Variants in DPYSL3 observed in about 807,000 individuals in gnomAD.
The protein encoded by DPYSL3 is dihydropyrimidinase like 3.
DPYSL3 carries 16 observed loss-of-function variants against 66.1 expected under a neutral mutation model. The observed-to-expected ratio is 0.24, with a 90% CI of 0.16 to 0.37. The LOEUF is 0.37. DPYSL3 is among the 10% of genes least tolerant of loss of function. The probability of loss-of-function intolerance (pLI) is 1.00; values close to 1 mark genes in which losing one functional copy is unlikely to be tolerated. For missense variants in DPYSL3, 738 were observed against 916.2 expected, an observed-to-expected ratio of 0.81 and a Z score of 2.51; for synonymous variants, 338 against 345.1, an observed-to-expected ratio of 0.98 and a Z score of 0.23.
At chr5:147,455,047 GTATGT>G (rs1752821563) in intron 1 of DPYSL3, among the ~76,000 whole-genome samples, 1 of 152,304 alleles carries the variant, frequency 6.6e-6, no homozygotes, top group Admixed American at 6.5e-5. Context: ...TAGAAATCCT[GTATGT>G]CACTAAGCAT....
At chr5:147,490,939 C>A (rs1418650363) in intron 1 of DPYSL3, among the ~76,000 whole-genome samples, 4 of 152,140 alleles carry the variant, frequency 2.6e-5, no homozygotes, top group African/African-American at 9.7e-5. Context: ...ACCTCATAGT[C>A]AATACTGGAG....
Position 147,509,903 on chromosome 5 carries a change from C to T in DPYSL3, c.-45G>A. On this transcript the variant is annotated 5_prime_UTR_variant, in exon 1 of 14. Coordinates refer to ENST00000343218, the MANE Select transcript of DPYSL3 (RefSeq NM_001197294.2). The surrounding 1 kb of genome is among the most constrained non-coding windows in gnomAD (Gnocchi z 5.3). ...CCCGCGGGTTTTTCTTCCCCAGAGG[C>T]GGAAAGGGCAGCCGCCGGCAGCGTG... 6.8e-7 allele frequency: 1 copy of T among 1,469,276 alleles called. No individual in the cohort carries two copies. Among genetic ancestry groups the T allele is most frequent in the Non-Finnish European group, 9.0e-7 (1 of 1,111,936 alleles). 91.0% of individuals were successfully genotyped at this position (1,469,276 alleles called of 1,614,324 possible). A position where few individuals can be genotyped will look rare whatever the true frequency, so the allele number is the denominator to read the frequency against.
In DPYSL3 at chr5:147,391,568, C is replaced by T. The variant is rs925095615; in HGVS notation, c.*2467G>A. ...AGACGATCCAGCGTGCCTTCCTACA[C>T]TTGCATGAGGTGCCAGTGAATTCGA... On this transcript the variant is annotated 3_prime_UTR_variant, in exon 14 of 14. Transcript: ENST00000343218. 6.6e-6 allele frequency: 1 copy of T among 152,388 alleles called. No homozygotes were observed. The highest frequency in any genetic ancestry group is 2.4e-5 in the African/African-American group (1 of 41,458). The allele number at this position is 152,388 out of a possible 1,614,324, so 9.4% of individuals were successfully genotyped here.
intron 1 of DPYSL3, among the ~76,000 whole-genome samples, chr5:147,486,895 T>C (rs1753336807): frequency 1.3e-5 from 2 of 152,212 alleles, no homozygotes. Context: ...ATCCTTTTAC[T>C]GCATATTCTT....
chr5:147,459,137 A>T (rs139361482), intron 1 of DPYSL3, among the ~76,000 whole-genome samples: 25 of 152,208 alleles, frequency 1.6e-4, no homozygotes, highest in African/African-American at 6.0e-4. Flanking sequence ...AGTCCAGAAT[A>T]TTCTCTGTCC....
intron 1 of DPYSL3, among the ~76,000 whole-genome samples, chr5:147,443,841 T>C (rs1387171400): frequency 1.3e-5 from 2 of 152,160 alleles, no homozygotes; most frequent in African/African-American, 2.4e-5. Context: ...GGAATCTCCC[T>C]GGCAAGTTGT....
chr5:147,396,509 G>A (rs1757977209), intron 12 of DPYSL3, among the ~76,000 whole-genome samples: 1 of 152,216 alleles, frequency 6.6e-6, no homozygotes, highest in Admixed American at 6.5e-5. Flanking sequence ...CGCGCTGCCA[G>A]AGGAGCCTGA....
At chr5:147,485,479 T>A (rs1017276400) in intron 1 of DPYSL3, among the ~76,000 whole-genome samples, 6 of 152,236 alleles carry the variant, frequency 3.9e-5, no homozygotes, top group African/African-American at 1.4e-4. Context: ...GAATATGACA[T>A]TATTTATTTA....
intron 1 of DPYSL3, among the ~76,000 whole-genome samples, chr5:147,483,038 G>A (rs1008513550): frequency 9.9e-5 from 15 of 152,162 alleles, no homozygotes; most frequent in African/African-American, 2.4e-4. Context: ...CAGATCTCTC[G>A]CTTGACACGT....
At chr5:147,417,149 G>A (rs997670498) in intron 3 of DPYSL3, among the ~76,000 whole-genome samples, 5 of 152,086 alleles carry the variant, frequency 3.3e-5, no homozygotes, top group African/African-American at 9.7e-5. Flanking sequence ...CTCTCGTCAC[G>A]GGGAATCTGA....
In DPYSL3 at chr5:147,408,811, G is replaced by A; in HGVS notation, c.964-15C>T. On this transcript the variant is annotated splice_polypyrimidine_tract_variant and intron_variant, in intron 6 of 13. Transcript: ENST00000343218. The stretch of plus-strand genomic sequence containing the variant: ...CGGGTTTGCTCCTGAAATGAAAAAA[G>A]AAAATAGTTCTTCAATAAGCTCAAG... 2.5e-6 allele frequency: 4 copies of A among 1,613,956 alleles called. No homozygotes were observed. The highest frequency in any genetic ancestry group is 3.4e-6 in the Non-Finnish European group (4 of 1,179,924).
At chr5:147,443,476 G>A (rs573570987) in intron 1 of DPYSL3, among the ~76,000 whole-genome samples, 2 of 152,208 alleles carry the variant, frequency 1.3e-5, no homozygotes, top group African/African-American at 2.4e-5. Flanking sequence ...ACCAGGGCCT[G>A]TTGGGGGTTG....
intron 1 of DPYSL3, among the ~76,000 whole-genome samples, chr5:147,470,239 G>C (rs1179932631): frequency 6.6e-6 from 1 of 152,088 alleles, no homozygotes; most frequent in African/African-American, 2.4e-5. Context: ...TTGACCTTCA[G>C]AGCACTCCCT....
chr5:147,490,253 C>CA (rs1249985495), intron 1 of DPYSL3, among the ~76,000 whole-genome samples: 1 of 152,016 alleles, frequency 6.6e-6, no homozygotes, highest in South Asian at 2.1e-4. Context: ...TCCTGCAGCA[C>CA]AAAAATGATC....
At chr5:147,460,418 A>T (rs544167845) in intron 1 of DPYSL3, among the ~76,000 whole-genome samples, 2 of 152,230 alleles carry the variant, frequency 1.3e-5, no homozygotes, top group African/African-American at 2.4e-5. Context: ...TCTAGTGTGT[A>T]CCATTCCCCA....
chr5:147,483,053 A>G (rs901510242), intron 1 of DPYSL3, among the ~76,000 whole-genome samples: 2 of 152,178 alleles, frequency 1.3e-5, no homozygotes, highest in Admixed American at 6.5e-5. Flanking sequence ...ACACGTTGGG[A>G]TTACAATTCA....
At chr5:147,397,455 T>A (rs1223361984) in intron 12 of DPYSL3, among the ~76,000 whole-genome samples, 1 of 152,152 alleles carries the variant, frequency 6.6e-6, no homozygotes, top group Non-Finnish European at 1.5e-5. Flanking sequence ...GGAAAAGTCA[T>A]TTGGGAAAAA....
intron 1 of DPYSL3, among the ~76,000 whole-genome samples, chr5:147,486,325 C>T (rs1753328334): frequency 6.6e-6 from 1 of 152,116 alleles, no homozygotes; most frequent in Admixed American, 6.5e-5. Context: ...GAGTATTTTA[C>T]AACAACTTTT....
intron 1 of DPYSL3, among the ~76,000 whole-genome samples, chr5:147,502,900 A>G (rs1378287709): frequency 2.6e-5 from 4 of 152,068 alleles, no homozygotes; most frequent in Admixed American, 2.0e-4. Context: ...TGCAAAAATG[A>G]GTAAAGACAA....
Sources: gnomAD v4.1 joint callset for allele counts (sites outside exome capture counted in the v4.1 genomes callset) on GRCh38, gnomAD v4.1.1 for gene constraint, Gnocchi (gnomAD v3.1) non-coding constraint, MANE v1.5 for transcripts, NCBI Gene and HGNC (gene_info 2026-07-23, HGNC 2026-07-21) for gene names.